C2CD3: variants seen among roughly 807,000 people sequenced by gnomAD.
C2CD3 encodes C2 domain-containing protein 3.
In C2CD3, 148 loss-of-function variants were observed where a neutral mutation model predicts 234.0. That is an observed-to-expected ratio of 0.63 (90% CI 0.55 to 0.72). C2CD3 has a LOEUF of 0.72. C2CD3 is among the 30% of genes least tolerant of loss of function. The pLI, the probability that C2CD3 is intolerant of heterozygous loss-of-function variation, is 0.00. For missense variants in C2CD3, 2,577 were observed against 2,811.5 expected, an observed-to-expected ratio of 0.92 and a Z score of 1.89; for synonymous variants, 1,000 against 1,035.4, an observed-to-expected ratio of 0.97 and a Z score of 0.66.
intron 22 of C2CD3, 63 bp from the exon 23 acceptor site, chr11:74,078,780 T>TA: frequency 7.0e-7 from 1 of 1,431,944 alleles, no homozygotes; most frequent in Non-Finnish European, 9.4e-7. Flanking sequence ...ACAAGTTACT[T>TA]ACTCTCCACC....
chr11:74,064,319 C>G (rs1363966176), intron 24 of C2CD3, among the ~76,000 whole-genome samples: 1 of 152,144 alleles, frequency 6.6e-6, no homozygotes, highest in East Asian at 1.9e-4. Flanking sequence ...TTCCCATTCA[C>G]AATTGCTTCA....
rs1193194669 is a variant in C2CD3 at position 74,037,586 on chromosome 11, T to A, written c.5773A>T (p.Ser1925Cys). ...CCTGGCCCAAGATGGTCCCTACAGC[T>A]CTCCTGGTGCTGTGAGATGGCCGTT... ...TQTAISQHQE[S>C]CRDHLGPGAS... The change falls in exon 30 of 33, where the codon AGC (serine) becomes TGC (cysteine). Residue 1925 changes from serine (S) to cysteine (C), a missense_variant. Physicochemically the swap from Ser to Cys is moderately radical, Grantham distance 112. Coordinates refer to ENST00000334126, the MANE Select transcript of C2CD3 (RefSeq NM_001286577.2). 6.2e-7 allele frequency: 1 copy of A among 1,613,804 alleles called. No homozygotes were observed. Among genetic ancestry groups the A allele is most frequent in the Non-Finnish European group, 8.5e-7 (1 of 1,179,830 alleles).
intron 3 of C2CD3, among the ~76,000 whole-genome samples, chr11:74,160,033 A>T (rs1007709448): frequency 1.3e-5 from 2 of 152,232 alleles, no homozygotes; most frequent in South Asian, 4.1e-4. Context: ...CCATTGTGTT[A>T]TAACTGCCTT....
At chr11:74,028,196 A>G in intron 32 of C2CD3, 91 bp downstream of exon 32, 1 of 901,920 alleles carries the variant, frequency 1.1e-6, no homozygotes, top group Non-Finnish European at 1.7e-6. Context: ...CTTTCCAGGA[A>G]GATGACCTGG....
In C2CD3 at chr11:74,139,813, C is replaced by A. The variant is rs764277015; in HGVS notation, c.499G>T (p.Glu167Ter). Residue 167 changes from glutamate (E) to a stop codon, truncating the protein, a stop_gained, in exon 4 of 33, where the codon GAA becomes TAA. Coordinates refer to ENST00000334126, the MANE Select transcript of C2CD3 (RefSeq NM_001286577.2). LOFTEE classifies it high-confidence loss of function. ...CTGTCGTAAGTTTCTGACAGAGGTT[C>A]CAGGGCAAGTGAGACCTAAGAGAGA... ...LGELQVSLAL[E>*]PLSETYDSYH... 1 of 1,610,508 alleles carries A rather than the reference C, an allele frequency of 6.2e-7. No homozygotes were observed. Among genetic ancestry groups the A allele is most frequent in the Non-Finnish European group, 8.5e-7 (1 of 1,176,798 alleles).
chr11:74,088,414 AC>A (rs2135478974), intron 20 of C2CD3, among the ~76,000 whole-genome samples: 1 of 152,312 alleles, frequency 6.6e-6, no homozygotes, highest in South Asian at 2.1e-4. Context: ...TGTCCATTAT[AC>A]CATGCATTGT....
rs147350275 is a variant in C2CD3, at chr11:74,033,118, G to A, written c.6809+233C>T. Among the ~76,000 whole-genome samples the A allele has an allele frequency of 2.6e-5, 4 of 152,300 alleles. No homozygotes were observed. The South Asian group carries it at 8.3e-4, about 32-fold the overall frequency. Reference sequence around the variant, plus strand: ...CAACAGATGAATTGGATAAATCAGGGTAGGCTAGGCTAATGTGCTACGAAT... The same window carrying A: ...CAACAGATGAATTGGATAAATCAGGATAGGCTAGGCTAATGTGCTACGAAT... On this transcript the variant is annotated intron_variant, in intron 31 of 32. Transcript: ENST00000334126.
intron 8 of C2CD3, among the ~76,000 whole-genome samples, chr11:74,120,978 G>A (rs887735187): frequency 6.7e-6 from 1 of 150,078 alleles, no homozygotes; most frequent in African/African-American, 2.4e-5. Flanking sequence ...ACAACATAGT[G>A]AGACCCTGTC....
Position 74,097,926 on chromosome 11 carries a change from A to G in C2CD3, c.2979+83T>C. On this transcript the variant is annotated intron_variant, in intron 16 of 32. Coordinates refer to ENST00000334126, the MANE Select transcript of C2CD3 (RefSeq NM_001286577.2). ...TTTTGTTGAGCCTTTCATTACAGAA[A>G]TAAAGGATTTGGGCAATAAATTCAC... 3 of 1,372,260 alleles carry G rather than the reference A, an allele frequency of 2.2e-6. No homozygotes were observed. The South Asian group carries it at 4.1e-5, about 19-fold the overall frequency. The allele number at this position is 1,372,260 out of a possible 1,614,324, so 85.0% of individuals were successfully genotyped here. A position where few individuals can be genotyped will look rare whatever the true frequency, so the allele number is the denominator to read the frequency against.
At chr11:74,147,052 A>AAAAAT (rs200057554) in intron 3 of C2CD3, among the ~76,000 whole-genome samples, 25,586 of 149,464 alleles carry the variant, frequency 0.17, 2,437 homozygotes, top group East Asian at 0.28. Context: ...CTCTGTCTCA[A>AAAAAT]AAAATAAAAT....
chr11:74,088,897 G>A (rs1955766956), intron 20 of C2CD3, among the ~76,000 whole-genome samples: 1 of 152,122 alleles, frequency 6.6e-6, no homozygotes, highest in Non-Finnish European at 1.5e-5. Flanking sequence ...AAGGAAGTTG[G>A]ACCTTATTAT....
intron 1 of C2CD3, 46 bp from the exon 2 acceptor site, chr11:74,168,659 T>C: frequency 6.6e-7 from 1 of 1,525,748 alleles, no homozygotes; most frequent in Non-Finnish European, 9.0e-7. Context: ...AGACTAAATA[T>C]AGAAAACATA....
At chr11:74,164,585 C>G (rs1015014853) in intron 2 of C2CD3, among the ~76,000 whole-genome samples, 6 of 152,278 alleles carry the variant, frequency 3.9e-5, no homozygotes, top group African/African-American at 1.2e-4. Context: ...TGCAAATGTA[C>G]AGGGCCTCAG....
At chr11:74,143,859 G>A (rs781292535) in intron 3 of C2CD3, among the ~76,000 whole-genome samples, 1 of 152,032 alleles carries the variant, frequency 6.6e-6, no homozygotes, top group Non-Finnish European at 1.5e-5. Context: ...TGGGCCTGGA[G>A]ATTTCTTTTT....
At chr11:74,025,244 T>C (rs535141808) in intron 32 of C2CD3, among the ~76,000 whole-genome samples, 3 of 152,172 alleles carry the variant, frequency 2.0e-5, no homozygotes, top group Non-Finnish European at 4.4e-5. Context: ...AAATGTACCA[T>C]AAGTCAAATG....
intron 3 of C2CD3, among the ~76,000 whole-genome samples, chr11:74,148,751 C>T (rs534408219): frequency 1.3e-5 from 2 of 152,186 alleles, no homozygotes; most frequent in South Asian, 2.1e-4. Context: ...AATGTAAAGC[C>T]ACCTTTCTTC....
rs1261554284 is a variant in C2CD3, at chr11:74,049,482, T to C, written c.5216A>G (p.Gln1739Arg). ...GATGTTGTACCAGCCACAGACAAAC[T>C]GGAAGCCAGAGAGAAGTGGGGAGAG... ...VDLSPLLSGF[Q>R]FVCGWYNITD... The change falls in exon 27 of 33, where the codon CAG (glutamine) becomes CGG (arginine). Residue 1739 changes from glutamine (Q) to arginine (R), a missense_variant. Physicochemically the swap from Gln to Arg is conservative, Grantham distance 43. Coordinates refer to ENST00000334126, the MANE Select transcript of C2CD3 (RefSeq NM_001286577.2). 2 of 1,613,222 alleles carry C rather than the reference T, an allele frequency of 1.2e-6. No individual in the cohort carries two copies. Among genetic ancestry groups the C allele is most frequent in the South Asian group, 1.1e-5 (1 of 91,014 alleles).
chr11:74,049,667 A>G, intron 26 of C2CD3, 125 bp from the exon 27 acceptor site: 1 of 701,076 alleles, frequency 1.4e-6, no homozygotes, highest in Non-Finnish European at 2.4e-6. Context: ...GCCATCAGAG[A>G]AGACAGATAA....
chr11:74,078,764 C>CA (rs754989850), intron 22 of C2CD3, 47 bp from the exon 23 acceptor site: 12 of 1,515,808 alleles, frequency 7.9e-6, no homozygotes, highest in Non-Finnish European at 8.8e-6. Context: ...TAAAAGTAAA[C>CA]AAAAAACAAG....
Sources: allele counts gnomAD v4.1 joint callset (sites outside exome capture counted in the v4.1 genomes callset), GRCh38; gene constraint gnomAD v4.1.1; transcripts MANE v1.5; gene names NCBI Gene and HGNC (gene_info 2026-07-23, HGNC 2026-07-21).